The following NTRK3 variants were observed in gnomAD, a reference collection of about 807,000 sequenced individuals.
NTRK3 encodes the protein neurotrophic receptor tyrosine kinase 3.
In NTRK3, 24 loss-of-function variants were observed where a neutral mutation model predicts 91.7. The observed-to-expected ratio is 0.26, with a 90% CI of 0.19 to 0.37. The LOEUF is 0.37. Among genes scored for constraint, NTRK3 ranks in the 10% least tolerant of loss-of-function variants. NTRK3 has a pLI of 1.00. For missense variants in NTRK3, 880 were observed against 1,068.9 expected (o/e 0.82, Z 2.46); for synonymous variants, 483 against 404.0 (o/e 1.20, Z -2.34).
exon 11 of NTRK3, chr15:88,128,718 A>G: frequency 1.2e-6 from 2 of 1,614,128 alleles, no homozygotes; most frequent in Non-Finnish European, 1.7e-6. Context: ...TACACAAGAT[A>G]AAGTTATCCG....
intron 10 of NTRK3, among the ~76,000 whole-genome samples, chr15:88,130,398 T>G (rs149503648): frequency 9.2e-4 from 140 of 152,034 alleles, no homozygotes; most frequent in African/African-American, 3.2e-3. Flanking sequence ...TCAATGAATG[T>G]TAGAGTGTGA....
intron 13 of NTRK3, among the ~76,000 whole-genome samples, chr15:88,117,682 C>A (rs1314215115): frequency 6.6e-6 from 1 of 152,198 alleles, no homozygotes; most frequent in East Asian, 1.9e-4. Flanking sequence ...GGTAGCCGAT[C>A]CCATTAGGGA....
chr15:88,157,239 A>G (rs2043993598), intron 5 of NTRK3, among the ~76,000 whole-genome samples: 1 of 152,014 alleles, frequency 6.6e-6, no homozygotes, highest in South Asian at 2.1e-4. Context: ...TCACACACAC[A>G]CACCACACTA....
exon 3 of NTRK3, chr15:88,256,145 G>T: frequency 6.6e-7 from 1 of 1,518,958 alleles, no homozygotes; most frequent in South Asian, 1.1e-5. Context: ...GGCAAAGAGA[G>T]ACATCCATCT....
chr15:88,129,766 T>C (rs1237688367), intron 10 of NTRK3, among the ~76,000 whole-genome samples: 2 of 152,216 alleles, frequency 1.3e-5, no homozygotes, highest in Admixed American at 1.3e-4. Context: ...TAGGATCATT[T>C]AAGCAACAAA....
intron 7 of NTRK3, 57 bp downstream of exon 7, chr15:88,137,347 C>G: frequency 6.3e-7 from 1 of 1,595,930 alleles, no homozygotes. Context: ...AGCACCATCT[C>G]TGGTGTCTGA....
chr15:88,177,833 C>T (rs9972507), intron 5 of NTRK3, among the ~76,000 whole-genome samples: 78,503 of 152,058 alleles, frequency 0.52, 22,677 homozygotes, highest in African/African-American at 0.8. Flanking sequence ...ATAGCAAAAA[C>T]ATATATATTG....
chr15:88,066,492 C>T (rs1024189411), intron 13 of NTRK3, among the ~76,000 whole-genome samples: 6 of 152,220 alleles, frequency 3.9e-5, no homozygotes, highest in African/African-American at 7.2e-5. Context: ...CTGCCCATTT[C>T]GTAGGCCCTT....
At chr15:88,175,715 C>T (rs1264385642) in intron 5 of NTRK3, among the ~76,000 whole-genome samples, 3 of 152,182 alleles carry the variant, frequency 2.0e-5, no homozygotes, top group Non-Finnish European at 4.4e-5. Context: ...CTCCTCAATT[C>T]TTCATATACA....
At chr15:88,250,830 A>G (rs1415521408) in intron 3 of NTRK3, among the ~76,000 whole-genome samples, 1 of 152,236 alleles carries the variant, frequency 6.6e-6, no homozygotes, top group Non-Finnish European at 1.5e-5. Context: ...ACTCATATTT[A>G]TTACTTTATA....
intron 14 of NTRK3, chr15:87,946,159 A>C (rs1390674972): frequency 6.6e-6 from 1 of 152,198 alleles, no homozygotes; most frequent in Admixed American, 6.5e-5. Context: ...CCCAGGAGTA[A>C]GCTGGCCCTG....
chr15:88,060,088 C>T (rs1469262830), intron 13 of NTRK3, among the ~76,000 whole-genome samples: 4 of 152,174 alleles, frequency 2.6e-5, no homozygotes, highest in East Asian at 3.9e-4. Context: ...GCCTGGTTGC[C>T]GTGAAGGAGG....
intron 5 of NTRK3, among the ~76,000 whole-genome samples, chr15:88,170,949 T>C (rs1331570327): frequency 6.6e-6 from 1 of 152,126 alleles, no homozygotes; most frequent in Non-Finnish European, 1.5e-5. Flanking sequence ...CCAGGCCCTC[T>C]AGAGAATTCA....
intron 17 of NTRK3, among the ~76,000 whole-genome samples, chr15:87,909,980 G>A (rs2066992239): frequency 6.6e-6 from 1 of 152,140 alleles, no homozygotes. Flanking sequence ...GCACTGCTAT[G>A]GCAGCCCGAA....
chr15:87,948,863 C>G (rs1254915270), intron 14 of NTRK3, among the ~76,000 whole-genome samples: 1 of 152,148 alleles, frequency 6.6e-6, no homozygotes, highest in Non-Finnish European at 1.5e-5. Flanking sequence ...TTTCTGCTGG[C>G]CAGTCCATGC....
intron 14 of NTRK3, among the ~76,000 whole-genome samples, chr15:87,957,783 T>A (rs894587020): frequency 2.6e-5 from 4 of 152,208 alleles, no homozygotes; most frequent in African/African-American, 9.6e-5. Flanking sequence ...TTCTACCAGT[T>A]CTTTGTGCTG....
chr15:87,877,362 C>A (rs1311396449), intron 18 of NTRK3, among the ~76,000 whole-genome samples: 1 of 152,174 alleles, frequency 6.6e-6, no homozygotes, highest in Non-Finnish European at 1.5e-5. Flanking sequence ...ACTTCTTGGG[C>A]CAGGCCCACA....
At chr15:88,203,198 T>C (rs529877956) in intron 3 of NTRK3, among the ~76,000 whole-genome samples, 301 of 152,240 alleles carry the variant, frequency 2.0e-3, no homozygotes, top group African/African-American at 6.8e-3. Flanking sequence ...CAGTTCCCCA[T>C]TCCCCTACCT....
rs141561771 is a variant in NTRK3, at chr15:87,908,217, C to T, written c.2133+20974G>A. Among the ~76,000 whole-genome samples, 58 of 152,286 alleles carry T rather than the reference C, an allele frequency of 3.8e-4. 1 individual carries two copies. The East Asian group carries it at 0.01, about 27-fold the overall frequency. The stretch of plus-strand genomic sequence containing the variant: ...GCCCTGGCAGCCATGTGAACTCCAG[C>T]GGCTCTCCCGGCTGTGCACCTAATT... On this transcript the variant is annotated intron_variant, in intron 17 of 18. Transcript: ENST00000394480.
Sources: allele counts gnomAD v4.1 joint callset (sites outside exome capture counted in the v4.1 genomes callset), GRCh38; gene constraint gnomAD v4.1.1; transcripts MANE v1.5; gene names NCBI Gene and HGNC (gene_info 2026-07-23, HGNC 2026-07-21).